Variants in IGSF10 observed in about 807,000 individuals in gnomAD.
IGSF10 encodes the protein calvaria mechanical force protein 608.
IGSF10 carries 126 observed loss-of-function variants against 128.2 expected under a neutral mutation model. That is an observed-to-expected ratio of 0.98 (90% CI 0.85 to 1.14). The LOEUF (loss-of-function observed/expected upper bound fraction) is 1.14. IGSF10 is among the 50% of genes most tolerant of loss of function. The probability of loss-of-function intolerance (pLI) is 0.00; values close to 1 mark genes in which losing one functional copy is unlikely to be tolerated. For synonymous variants in IGSF10, 1,185 were observed against 1,146.2 expected, an observed-to-expected ratio of 1.03 and a Z score of -0.68; for missense variants, 3,295 against 3,149.8, an observed-to-expected ratio of 1.05 and a Z score of -1.10.
chr3:151,513,299 G>T, the IGSF10 span, among the ~76,000 whole-genome samples: 7 of 152,014 alleles, frequency 4.6e-5, no homozygotes, highest in African/African-American at 1.7e-4. Flanking sequence ...TGGGATGCAA[G>T]GCTGGTTCAA....
At chr3:151,458,420 T>G (rs1168478453) in intron 3 of IGSF10, 96 bp downstream of exon 3, 33 of 888,260 alleles carry the variant, frequency 3.7e-5, no homozygotes, top group Non-Finnish European at 5.2e-5. Context: ...GTTAAAACAA[T>G]TGAGATTCAT....
chr3:151,617,281 T>TTCC, the IGSF10 span, among the ~76,000 whole-genome samples: 1 of 117,102 alleles, frequency 8.5e-6, no homozygotes, highest in Admixed American at 8.8e-5. Context: ...CTTCTTCTTC[T>TTCC]TCTTCTTCTT....
the IGSF10 span, among the ~76,000 whole-genome samples, chr3:151,561,574 T>A: frequency 6.6e-6 from 1 of 152,162 alleles, no homozygotes; most frequent in Non-Finnish European, 1.5e-5. Context: ...CTATGTAATA[T>A]GTATATCTAT....
At chr3:151,501,962 C>T in the IGSF10 span, among the ~76,000 whole-genome samples, 1,821 of 152,106 alleles carry the variant, frequency 0.012, 95 homozygotes, top group East Asian at 0.17. Flanking sequence ...TAATTTAAAT[C>T]AAGGAGTCCT....
Position 151,445,373 on chromosome 3 carries a change from A to T in IGSF10, c.4608T>A (p.Ile1536=), listed in dbSNP as rs1297027693. The T allele has an allele frequency of 6.2e-7, 1 of 1,614,226 alleles. No homozygotes were observed. Among genetic ancestry groups the T allele is most frequent in the South Asian group, 1.1e-5 (1 of 91,084 alleles). ...PKVHPNAKFT[I]GTTHFIYSNL... ...TAGAGTAGATGAAGTGAGTGGTTCC[A>T]ATTGTGAACTTGGCATTTGGGTGAA... The change falls in exon 6 of 8, where the codon ATT becomes ATA. Residue 1536 remains isoleucine, a synonymous_variant. Coordinates refer to ENST00000282466, the MANE Select transcript of IGSF10 (RefSeq NM_178822.5).
At chr3:151,442,562 T>G (rs865798365) in intron 7 of IGSF10, among the ~76,000 whole-genome samples, 8 of 148,554 alleles carry the variant, frequency 5.4e-5, no homozygotes, top group African/African-American at 1.7e-4. Context: ...TTTTTTTTTG[T>G]ACTTTTAGTA....
chr3:151,471,102 T>TG, the IGSF10 span, among the ~76,000 whole-genome samples: 1 of 152,134 alleles, frequency 6.6e-6, no homozygotes, highest in African/African-American at 2.4e-5. Flanking sequence ...GTCTTTTCCA[T>TG]GCTGTTCTCA....
At chr3:151,562,791 A>G in the IGSF10 span, among the ~76,000 whole-genome samples, 7 of 152,144 alleles carry the variant, frequency 4.6e-5, no homozygotes, top group African/African-American at 1.7e-4. Flanking sequence ...CCAAGAGCCC[A>G]AAGAAGAGAC....
chr3:151,501,826 A>G, the IGSF10 span, among the ~76,000 whole-genome samples: 3 of 152,124 alleles, frequency 2.0e-5, no homozygotes, highest in Non-Finnish European at 4.4e-5. Context: ...TATTGTTTAT[A>G]CAATATCAAC....
At position 151,449,060 on chromosome 3, in the gene IGSF10, T is replaced by C. The variant is rs761004740; in HGVS notation, c.921A>G (p.Gln307=). 2.5e-6 allele frequency: 4 copies of C among 1,614,202 alleles called. No homozygotes were observed. Among genetic ancestry groups the C allele is most frequent in the Non-Finnish European group, 3.4e-6 (4 of 1,180,032 alleles). Residue 307 remains glutamine (Q), a synonymous_variant, in exon 6 of 8, where the codon CAA becomes CAG. Coordinates refer to ENST00000282466, the MANE Select transcript of IGSF10 (RefSeq NM_178822.5). ...EDSSSAFISP[Q]GFMAPFGSLT... The stretch of plus-strand genomic sequence containing the variant: ...GGGAGCCAAAGGGTGCCATGAAACC[T>C]TGGGGAGAGATGAAAGCAGAACTAC...
chr3:151,445,600 T>A lies in IGSF10; in HGVS notation c.4381A>T (p.Thr1461Ser). Residue 1461 changes from threonine to serine, a missense_variant, in exon 6 of 8, where the codon ACC (threonine) becomes TCC (serine). By Grantham distance (58) the Thr-to-Ser change is moderately conservative. Coordinates refer to ENST00000282466, the MANE Select transcript of IGSF10 (RefSeq NM_178822.5). ...CTGCTGCTCAAGAATGGTGGTATGG[T>A]TGAGTGTCTAATGATTGCTTTCCTA... Reference protein sequence around the residue: ...TTRKAIIRHSTIPPFLSSSAT... With the variant: ...TTRKAIIRHSSIPPFLSSSAT... The A allele has an allele frequency of 1.2e-6, 2 of 1,614,184 alleles. No individual in the cohort carries two copies.
At position 151,437,506 on chromosome 3, in the gene IGSF10, C is replaced by A. The variant is rs1560169510; in HGVS notation, c.7055G>T (p.Gly2352Val). 1.9e-6 allele frequency: 3 copies of A among 1,614,042 alleles called. No individual in the cohort carries two copies. The African/African-American group carries it at 4.0e-5, about 22-fold the overall frequency. ...AGAGCAATTCAATGCTGTGGACTTTCCCAGCTGGGCAACTATTTTTTCATT... is the reference window on the plus strand; with the variant it reads ...AGAGCAATTCAATGCTGTGGACTTTACCAGCTGGGCAACTATTTTTTCATT... Reference protein sequence around the residue: ...PFNEKIVAQLGKSTALNCSVD... With the variant: ...PFNEKIVAQLVKSTALNCSVD... Residue 2352 changes from glycine to valine, a missense_variant, in exon 8 of 8, where the codon GGA becomes GTA. Transcript: ENST00000282466.
At position 151,448,726 on chromosome 3, in the gene IGSF10, CTA is replaced by C. The variant is rs770862252; in HGVS notation, c.1253_1254del (p.Ile418ArgfsTer37). On this transcript the variant is annotated frameshift_variant, in exon 6 of 8. Transcript: ENST00000282466. LOFTEE classifies it high-confidence loss of function. ...APKPEDIFTNIEADLRADPSW... is the reference protein window; with the variant it reads ...APKPEDIFTNXEADLRADPSW... Reference sequence around the variant, plus strand: ...GAGGGATCTGCTCTGAGATCTGCCTCTATGTTGGTAAAAATGTCTTCAGGCTT... The same window carrying C: ...GAGGGATCTGCTCTGAGATCTGCCTCTGTTGGTAAAAATGTCTTCAGGCTT... 1.2e-6 allele frequency: 2 copies of C among 1,613,744 alleles called. No homozygotes were observed. The highest frequency in any genetic ancestry group is 1.7e-6 in the Non-Finnish European group (2 of 1,179,690).
At chr3:151,547,427 TATACAC>T in the IGSF10 span, among the ~76,000 whole-genome samples, 6 of 140,674 alleles carry the variant, frequency 4.3e-5, no homozygotes, top group Non-Finnish European at 9.3e-5. Context: ...TAAATATATA[TATACAC>T]ACACACACAC....
chr3:151,436,658 G>T lies in IGSF10; in HGVS notation c.*31C>A. Reference sequence around the variant, plus strand: ...AAACTTCTTCCAAAAAATAAATTCTGCCCAGATGTTGTTGACTTTATTATT... The same window carrying T: ...AAACTTCTTCCAAAAAATAAATTCTTCCCAGATGTTGTTGACTTTATTATT... On this transcript the variant is annotated 3_prime_UTR_variant, in exon 8 of 8. Coordinates refer to ENST00000282466, the MANE Select transcript of IGSF10 (RefSeq NM_178822.5). 1 of 1,464,656 alleles carries T rather than the reference G, an allele frequency of 6.8e-7. No individual in the cohort carries two copies. The highest frequency in any genetic ancestry group is 9.3e-7 in the Non-Finnish European group (1 of 1,075,684). 90.7% of individuals were successfully genotyped at this position (1,464,656 alleles called of 1,614,324 possible).
the IGSF10 span, among the ~76,000 whole-genome samples, chr3:151,495,938 C>G: frequency 0.82 from 125,160 of 152,072 alleles, 51,594 homozygotes; most frequent in Middle Eastern, 0.93. Flanking sequence ...TTGAGATTTG[C>G]TGGATTTTTA....
In IGSF10 at chr3:151,453,625, C is replaced by T; in HGVS notation, c.474G>A (p.Val158=). Residue 158 remains valine (V), a synonymous_variant, in exon 5 of 8, where the codon GTG becomes GTA. Coordinates refer to ENST00000282466, the MANE Select transcript of IGSF10 (RefSeq NM_178822.5). ...TAGTGAGCTGATTTCCTTCCAAGTG[C>T]ACCAGGCGGAGAAAGTTGAGCCCAT... is the stretch of plus-strand genomic sequence containing the variant. ...VFYGLNFLRL[V]HLEGNQLTKL... 4 of 1,614,016 alleles carry T rather than the reference C, an allele frequency of 2.5e-6. No individual in the cohort carries two copies. The highest frequency in any genetic ancestry group is 3.4e-6 in the Non-Finnish European group (4 of 1,179,942).
rs1309612908 is a variant in IGSF10 at position 151,449,155 on chromosome 3, C to G, written c.826G>C (p.Ala276Pro). Reference protein sequence around the residue: ...GKPLAMVSAAAFQCAKPTIDS... With the variant: ...GKPLAMVSAAPFQCAKPTIDS... ...ATGGTTGGCTTGGCACACTGGAAAG[C>G]TGCAGCTGAGACCATAGCTAACGGC... Residue 276 changes from alanine (A) to proline (P), a missense_variant, in exon 6 of 8, where the codon GCT becomes CCT. By Grantham distance (27) the Ala-to-Pro change is conservative (BLOSUM62 -1). Coordinates refer to ENST00000282466, the MANE Select transcript of IGSF10 (RefSeq NM_178822.5). 6.2e-7 allele frequency: 1 copy of G among 1,614,068 alleles called. No individual in the cohort carries two copies. The highest frequency in any genetic ancestry group is 1.3e-5 in the African/African-American group (1 of 74,910).
At chr3:151,581,793 G>A in the IGSF10 span, among the ~76,000 whole-genome samples, 1 of 152,166 alleles carries the variant, frequency 6.6e-6, no homozygotes. Context: ...ATTATTGGCT[G>A]GGCATGGTGG....
Sources: gnomAD v4.1 joint callset for allele counts (sites outside exome capture counted in the v4.1 genomes callset) on GRCh38, gnomAD v4.1.1 for gene constraint, MANE v1.5 for transcripts, NCBI Gene and HGNC (gene_info 2026-07-23, HGNC 2026-07-21) for gene names.